The following MCF2L variants were observed in gnomAD, a reference collection of about 807,000 sequenced individuals.
MCF2L encodes the protein MCF.2 cell line derived transforming sequence like, also known as guanine nucleotide exchange factor DBS.
MCF2L carries 97 observed loss-of-function variants against 153.4 expected under a neutral mutation model. The ratio of observed to expected loss-of-function variants is 0.63; its 90% CI spans 0.54 to 0.75. The LOEUF is 0.75. MCF2L is among the 30% of genes least tolerant of loss of function. The pLI is 0.00. For synonymous variants in MCF2L, 659 were observed against 632.2 expected, an observed-to-expected ratio of 1.04 and a Z score of -0.64; for missense variants, 1,347 against 1,495.2, an observed-to-expected ratio of 0.90 and a Z score of 1.64.
Position 113,096,458 on chromosome 13 carries a change from G to A in MCF2L, c.3163G>A (p.Val1055Met), listed in dbSNP as rs1295418577. 6.3e-7 allele frequency: 1 copy of A among 1,591,848 alleles called. No homozygotes were observed. Among genetic ancestry groups the A allele is most frequent in the Non-Finnish European group, 8.5e-7 (1 of 1,170,438 alleles). The part of the protein sequence containing the change: ...RVRSGDVVEL[V>M]QEGDEGLWYV... Reference sequence around the variant, plus strand: ...GAGGAGCGGGGACGTGGTGGAGCTGGTGCAGGAGGGCGACGAGGGCCTCTG... The same window carrying A: ...GAGGAGCGGGGACGTGGTGGAGCTGATGCAGGAGGGCGACGAGGGCCTCTG... Residue 1055 changes from valine to methionine, a missense_variant, in exon 28 of 30, where the codon GTG (valine) becomes ATG (methionine). Around this residue, in one of 3 missense-constraint regions of MCF2L, gnomAD observed 383 missense variants for 335.4 expected, o/e 1.14. Coordinates refer to ENST00000535094, the MANE Select transcript of MCF2L (RefSeq NM_001112732.3).
intron 3 of MCF2L, among the ~76,000 whole-genome samples, chr13:113,032,403 C>T (rs762088145): frequency 6.6e-6 from 1 of 152,250 alleles, no homozygotes. Context: ...GCTTCCCTCC[C>T]CCACAGCTAA....
chr13:113,070,178 G>A lies in MCF2L; in HGVS notation c.996+5G>A. On this transcript the variant is annotated splice_donor_5th_base_variant and intron_variant, in intron 9 of 29. Transcript: ENST00000535094. The surrounding 1 kb of genome is among the most constrained non-coding windows in gnomAD (Gnocchi z 5.6). ...TTTGAGCAGGGCTTCCGGGAGGTGA[G>A]TGGCCCTGGGTGGAGCCGGCAGCCG... 6.4e-7 allele frequency: 1 copy of A among 1,562,714 alleles called. No individual in the cohort carries two copies. The highest frequency in any genetic ancestry group is 8.6e-7 in the Non-Finnish European group (1 of 1,157,632).
At position 112,960,091 on chromosome 13, in the gene MCF2L, G is replaced by T. The variant is rs2081806361; in HGVS notation, c.170-54672G>T. Among the ~76,000 whole-genome samples, 1 of 152,254 alleles carries T rather than the reference G, an allele frequency of 6.6e-6. No homozygotes were observed. The highest frequency in any genetic ancestry group is 2.4e-5 in the African/African-American group (1 of 41,462). ...CTGTCCCGGACGCCTGCCCTCAGGG[G>T]CTGTGTCTTTGTCTGTTTTCTGCTG... is the stretch of plus-strand genomic sequence containing the variant. On this transcript the variant is annotated intron_variant, in intron 2 of 29. Transcript: ENST00000375608. This position sits in a 1 kb window ranked among gnomAD's most constrained non-coding sequence, Gnocchi z 4.2.
At chr13:113,051,217 C>G (rs1026392071) in intron 4 of MCF2L, among the ~76,000 whole-genome samples, 1 of 152,166 alleles carries the variant, frequency 6.6e-6, no homozygotes, top group Non-Finnish European at 1.5e-5. Flanking sequence ...GTTCACCAAC[C>G]GCCGATTACA....
Position 113,066,695 on chromosome 13 carries a change from C to T in MCF2L, c.881+525C>T, listed in dbSNP as rs1200246896. 7.2e-5 allele frequency among the ~76,000 whole-genome samples: 11 copies of T among 151,818 alleles called. No individual in the cohort carries two copies. The East Asian group carries it at 2.0e-3, about 27-fold the overall frequency. On this transcript the variant is annotated intron_variant, in intron 8 of 29. Coordinates refer to ENST00000535094, the MANE Select transcript of MCF2L (RefSeq NM_001112732.3). Reference sequence around the variant, plus strand: ...TCCAGAACTCCCTGAGCATCCCCCTCACCCCCCGAGAACTCCCCGAGCCTC... The same window carrying T: ...TCCAGAACTCCCTGAGCATCCCCCTTACCCCCCGAGAACTCCCCGAGCCTC...
intron 15 of MCF2L, among the ~76,000 whole-genome samples, chr13:113,079,820 G>C (rs894442662): frequency 5.8e-4 from 1 of 1,714 alleles, no homozygotes; most frequent in African/African-American, 1.7e-3. Context: ...TGTCTGAATG[G>C]AGGAGGGTCC....
Position 113,096,461 on chromosome 13 carries a change from C to G in MCF2L, c.3166C>G (p.Gln1056Glu). 1 of 1,590,852 alleles carries G rather than the reference C, an allele frequency of 6.3e-7. No individual in the cohort carries two copies. The highest frequency in any genetic ancestry group is 2.3e-5 in the East Asian group (1 of 43,772). The part of the protein sequence containing the change: ...VRSGDVVELV[Q>E]EGDEGLWYVR... ...GAGCGGGGACGTGGTGGAGCTGGTG[C>G]AGGAGGGCGACGAGGGCCTCTGGTA... The change falls in exon 28 of 30, where the codon CAG becomes GAG. Residue 1056 changes from glutamine to glutamate, a missense_variant. Gln to Glu is a conservative substitution (Grantham distance 29). Coordinates refer to ENST00000535094, the MANE Select transcript of MCF2L (RefSeq NM_001112732.3).
rs897890087 is a variant in MCF2L at position 113,045,206 on chromosome 13, G to A, written c.279-65G>A. 1.4e-5 allele frequency: 18 copies of A among 1,298,748 alleles called. No individual in the cohort carries two copies. Among genetic ancestry groups the A allele is most frequent in the Non-Finnish European group, 2.0e-5 (18 of 892,976 alleles). The allele number at this position is 1,298,748 out of a possible 1,614,324, so 80.5% of individuals were successfully genotyped here. ...TCGCTCTCCCAAGAGGTTTTCTGAG[G>A]GATTTCGTGGGCAGCCGGCTTCCCA... is the stretch of plus-strand genomic sequence containing the variant. On this transcript the variant is annotated intron_variant, in intron 3 of 29. Coordinates refer to ENST00000535094, the MANE Select transcript of MCF2L (RefSeq NM_001112732.3). The surrounding 1 kb of genome is among the most constrained non-coding windows in gnomAD (Gnocchi z 4.2).
Position 113,011,828 on chromosome 13 carries a change from T to C in MCF2L, c.80-2935T>C, listed in dbSNP as rs9549339. On this transcript the variant is annotated intron_variant, in intron 1 of 29. Transcript: ENST00000535094. ...GACAGGCGGTGTGGACGGTGGACAC[T>C]GTGATGCGGACGGTGGACAGGCGGT... is the stretch of plus-strand genomic sequence containing the variant. Among the ~76,000 whole-genome samples, 79 of 52,000 alleles carry C rather than the reference T, an allele frequency of 1.5e-3. 1 individual carries two copies. Among genetic ancestry groups the C allele is most frequent in the East Asian group, 3.1e-3 (2 of 646 alleles). The allele number at this position is 52,000 out of a possible 152,430, so 34.1% of individuals were successfully genotyped here.
intron 3 of MCF2L, chr13:113,044,583 A>G: frequency 1.3e-6 from 2 of 1,541,000 alleles, no homozygotes; most frequent in Admixed American, 1.9e-5. Flanking sequence ...AGCTGCTGGC[A>G]TCACGCAATT....
At chr13:113,089,942 G>A in intron 26 of MCF2L, 1 of 1,596,866 alleles carries the variant, frequency 6.3e-7, no homozygotes, top group Non-Finnish European at 8.5e-7. Flanking sequence ...AGCAAGGCCA[G>A]CCCCAGAAGG....
intron 1 of MCF2L, among the ~76,000 whole-genome samples, chr13:112,898,716 C>G (rs74115710): frequency 1.3e-5 from 2 of 152,166 alleles, no homozygotes; most frequent in Non-Finnish European, 2.9e-5. Flanking sequence ...GGCCTCCCTG[C>G]CCCCCAAGTC....
At chr13:112,919,037 G>A (rs1220182155) in intron 2 of MCF2L, among the ~76,000 whole-genome samples, 1 of 152,094 alleles carries the variant, frequency 6.6e-6, no homozygotes, top group African/African-American at 2.4e-5. Flanking sequence ...GTGGTCTGTG[G>A]GCCCCGTGCC....
intron 2 of MCF2L, among the ~76,000 whole-genome samples, chr13:112,961,643 C>A (rs369811077): frequency 1.3e-4 from 20 of 152,380 alleles, no homozygotes; most frequent in Admixed American, 9.8e-4. Context: ...TGCAGCCCTC[C>A]TTCCCATGTC....
At position 113,087,366 on chromosome 13, in the gene MCF2L, C is replaced by T. The variant is rs746413581; in HGVS notation, c.2505C>T (p.His835=). The change falls in exon 22 of 30, where the codon CAC becomes CAT. Residue 835 remains histidine (H), a synonymous_variant. Coordinates refer to ENST00000535094, the MANE Select transcript of MCF2L (RefSeq NM_001112732.3). ...FKPMQRHLFL[H]EKAVLFCKKR... ...CCATGCAGCGGCACCTGTTCCTGCA[C>T]GAGAAGGCAGTGCTCTTCTGCAAGA... is the stretch of plus-strand genomic sequence containing the variant. 18 of 1,613,270 alleles carry T rather than the reference C, an allele frequency of 1.1e-5. No individual in the cohort carries two copies. Among genetic ancestry groups the T allele is most frequent in the African/African-American group, 6.7e-5 (5 of 74,914 alleles).
Position 113,084,066 on chromosome 13 carries a change from G to T in MCF2L, c.2060G>T (p.Arg687Met). ...CTGGTTGGAAGATGCTTTCTGGAGA[G>T]GGTAGGTGGTGTTTTGACGTGTATT... ...PELVGRCFLE[R>M]MEDFQIYEKY... The change falls in exon 18 of 30, where the codon AGG (arginine) becomes ATG (methionine). Residue 687 changes from arginine to methionine, a missense_variant and splice_region_variant. Physicochemically the swap from Arg to Met is moderately conservative, Grantham distance 91. Transcript: ENST00000535094. 1 of 1,613,484 alleles carries T rather than the reference G, an allele frequency of 6.2e-7. No homozygotes were observed. Among genetic ancestry groups the T allele is most frequent in the Non-Finnish European group, 8.5e-7 (1 of 1,179,436 alleles).
intron 17 of MCF2L, among the ~76,000 whole-genome samples, chr13:113,083,587 G>A (rs1451077686): frequency 6.6e-6 from 1 of 152,232 alleles, no homozygotes; most frequent in African/African-American, 2.4e-5. Context: ...AAACAGCCCA[G>A]GAGCCTGGGG....
intron 1 of MCF2L, among the ~76,000 whole-genome samples, chr13:112,897,668 G>A (rs896635155): frequency 1.1e-4 from 16 of 152,370 alleles, no homozygotes; most frequent in African/African-American, 3.1e-4. Context: ...TGTGGAGACC[G>A]GAGAGGGTAA....
At chr13:113,048,939 C>G (rs1594826060) in intron 4 of MCF2L, among the ~76,000 whole-genome samples, 1 of 152,192 alleles carries the variant, frequency 6.6e-6, no homozygotes, top group Non-Finnish European at 1.5e-5. Flanking sequence ...GGTGGCTGAG[C>G]CATGGGGAGG....
Sources: allele counts gnomAD v4.1 joint callset (sites outside exome capture counted in the v4.1 genomes callset), GRCh38; gene constraint gnomAD v4.1.1; regional missense constraint gnomAD v4.1.1; non-coding constraint Gnocchi (gnomAD v3.1); transcripts MANE v1.5; gene names NCBI Gene and HGNC (gene_info 2026-07-23, HGNC 2026-07-21).